Variants in FHIT observed in about 807,000 individuals in gnomAD.
The protein encoded by FHIT is fragile histidine triad diadenosine triphosphatase, also known as bis(5'-adenosyl)-triphosphatase.
A neutral mutation model predicts 17.9 loss-of-function variants in FHIT; 19 were observed. The ratio of observed to expected loss-of-function variants is 1.06; its 90% confidence interval spans 0.74 to 1.56. FHIT has a LOEUF of 1.56. FHIT is among the 40% of genes most tolerant of loss of function. The pLI, the probability that FHIT is intolerant of heterozygous loss-of-function variation, is 0.00. For synonymous variants in FHIT, 81 were observed against 69.7 expected (o/e 1.16, Z -0.81); for missense variants, 248 against 189.2 (o/e 1.31, Z -1.82).
chr3:60,151,112 G>A (rs1222444290), intron 5 of FHIT, among the ~76,000 whole-genome samples: 1 of 152,050 alleles, frequency 6.6e-6, no homozygotes, highest in Non-Finnish European at 1.5e-5. Flanking sequence ...CATCATCCAA[G>A]GAACTCTGAT....
rs548241652 is a variant in FHIT at position 59,930,297 on chromosome 3, G to A, written c.280-7883C>T. On this transcript the variant is annotated intron_variant, in intron 7 of 9. Coordinates refer to ENST00000492590, the MANE Select transcript of FHIT (RefSeq NM_002012.4). ...TGCATTGCAGCCATGGTGGGTGGGGGTAACACAATGTGGGCAGAGCACAGA... is the reference window on the plus strand; with the variant it reads ...TGCATTGCAGCCATGGTGGGTGGGGATAACACAATGTGGGCAGAGCACAGA... Among the ~76,000 whole-genome samples the A allele has an allele frequency of 2.6e-5, 4 of 152,256 alleles. No homozygotes were observed. The South Asian group carries it at 8.3e-4, about 32-fold the overall frequency.
At chr3:59,778,304 C>T (rs569934663) in intron 8 of FHIT, among the ~76,000 whole-genome samples, 4 of 152,278 alleles carry the variant, frequency 2.6e-5, no homozygotes, top group Admixed American at 6.5e-5. Context: ...GTAAAAGTGA[C>T]GCAAACTTGT....
intron 5 of FHIT, among the ~76,000 whole-genome samples, chr3:60,094,421 T>C (rs996010156): frequency 4.2e-5 from 6 of 142,660 alleles, no homozygotes; most frequent in African/African-American, 1.6e-4. Context: ...AACCGGCACC[T>C]ATTTTTGTAT....
intron 4 of FHIT, among the ~76,000 whole-genome samples, chr3:60,705,593 C>A (rs1276350053): frequency 3.3e-5 from 5 of 152,192 alleles, no homozygotes; most frequent in African/African-American, 9.7e-5. Flanking sequence ...GGTTTTATGC[C>A]ATTACCAGAT....
chr3:60,952,171 C>T (rs1263538291), intron 3 of FHIT, among the ~76,000 whole-genome samples: 1 of 104,546 alleles, frequency 9.6e-6, no homozygotes, highest in Non-Finnish European at 2.0e-5. Context: ...TCCTCCCCAC[C>T]CCCCCCCCAA....
At chr3:60,403,320 A>T (rs1430735022) in intron 5 of FHIT, among the ~76,000 whole-genome samples, 1 of 152,084 alleles carries the variant, frequency 6.6e-6, no homozygotes, top group African/African-American at 2.4e-5. Context: ...CTTTCAACAG[A>T]CCCTGAACTA....
At chr3:60,528,894 C>A (rs1243124257) in intron 5 of FHIT, among the ~76,000 whole-genome samples, 1 of 152,224 alleles carries the variant, frequency 6.6e-6, no homozygotes, top group East Asian at 1.9e-4. Flanking sequence ...TCAGGAACCA[C>A]CTTTGACATT....
intron 1 of FHIT, among the ~76,000 whole-genome samples, chr3:61,241,087 A>C (rs940338): frequency 0.11 from 16,477 of 152,202 alleles, 1,088 homozygotes; most frequent in South Asian, 0.21. Context: ...CTGTAAAACA[A>C]AATATTCCCC....
intron 5 of FHIT, among the ~76,000 whole-genome samples, chr3:60,175,506 G>A (rs969660621): frequency 6.6e-6 from 1 of 152,044 alleles, no homozygotes. Flanking sequence ...GAAAAGTTAA[G>A]CCAAACAAAA....
At chr3:60,233,326 T>C (rs1336168208) in intron 5 of FHIT, among the ~76,000 whole-genome samples, 1 of 152,128 alleles carries the variant, frequency 6.6e-6, no homozygotes, top group Non-Finnish European at 1.5e-5. Context: ...GCCAAACAGC[T>C]GTAACAGCCA....
At position 60,526,137 on chromosome 3, in the gene FHIT, T is replaced by TACACACAC. The variant is rs59137290; in HGVS notation, c.103+10715_103+10722dup. 4.9e-3 allele frequency among the ~76,000 whole-genome samples: 730 copies of TACACACAC among 148,146 alleles called. 10 individuals are homozygous for TACACACAC. The highest frequency in any genetic ancestry group is 0.017 in the African/African-American group (679 of 39,998). On this transcript the variant is annotated intron_variant, in intron 5 of 9. Transcript: ENST00000492590. ...AACACAAAATGAAACACACAACACATACACACACACACACACACACACACA... is the reference window on the plus strand; with the variant it reads ...AACACAAAATGAAACACACAACACATACACACACACACACACACACACACACACACACA...
intron 5 of FHIT, among the ~76,000 whole-genome samples, chr3:60,109,412 T>C (rs2107172989): frequency 6.6e-6 from 1 of 151,572 alleles, no homozygotes; most frequent in Admixed American, 6.6e-5. Context: ...ACTTTTACTC[T>C]ATAAGTGAGT....
At chr3:60,981,113 G>A (rs1240881967) in intron 3 of FHIT, among the ~76,000 whole-genome samples, 1 of 152,152 alleles carries the variant, frequency 6.6e-6, no homozygotes, top group Non-Finnish European at 1.5e-5. Flanking sequence ...AGCAGCCCTG[G>A]CTGCCCCAGT....
At chr3:59,952,335 A>G (rs1707158767) in intron 7 of FHIT, among the ~76,000 whole-genome samples, 1 of 152,190 alleles carries the variant, frequency 6.6e-6, no homozygotes, top group Non-Finnish European at 1.5e-5. Context: ...CCATTGCACC[A>G]CCAAAGCCAG....
chr3:60,996,687 AT>A (rs2030700535), intron 3 of FHIT, among the ~76,000 whole-genome samples: 1 of 152,162 alleles, frequency 6.6e-6, no homozygotes. Flanking sequence ...TCATATGGCG[AT>A]TTTTTTCCTT....
chr3:59,816,512 T>C (rs1204367686), intron 8 of FHIT, among the ~76,000 whole-genome samples: 1 of 152,174 alleles, frequency 6.6e-6, no homozygotes. Flanking sequence ...TCCTGAGTCA[T>C]GCTTACCTGT....
intron 7 of FHIT, among the ~76,000 whole-genome samples, chr3:59,978,808 G>C (rs1708525210): frequency 6.6e-6 from 1 of 151,442 alleles, no homozygotes; most frequent in South Asian, 2.1e-4. Context: ...ATGGGATCTG[G>C]GACCTTAAAA....
At chr3:59,764,509 A>G (rs1372398792) in intron 8 of FHIT, among the ~76,000 whole-genome samples, 2 of 152,228 alleles carry the variant, frequency 1.3e-5, no homozygotes, top group African/African-American at 2.4e-5. Flanking sequence ...TGCCCTGTGC[A>G]GCCTACAAAT....
At chr3:61,216,503 G>A (rs935094074) in intron 1 of FHIT, among the ~76,000 whole-genome samples, 3 of 152,190 alleles carry the variant, frequency 2.0e-5, no homozygotes, top group Non-Finnish European at 2.9e-5. Context: ...AACAGGTGCT[G>A]GAAAGGTTGT....
Sources: gnomAD v4.1 joint callset for allele counts (sites outside exome capture counted in the v4.1 genomes callset) on GRCh38, gnomAD v4.1.1 for gene constraint, MANE v1.5 for transcripts, NCBI Gene and HGNC (gene_info 2026-07-23, HGNC 2026-07-21) for gene names.